Variants in TRIM28 observed in about 807,000 individuals in gnomAD.
The protein encoded by TRIM28 is tripartite motif containing 28.
A neutral mutation model predicts 87.4 loss-of-function variants in TRIM28; 8 were observed. That is an observed-to-expected ratio of 0.09 (90% CI 0.05 to 0.17). The LOEUF is 0.17. TRIM28 is among the 10% of genes least tolerant of loss of function. The pLI, the probability that TRIM28 is intolerant of heterozygous loss-of-function variation, is 1.00. For synonymous variants in TRIM28, 601 were observed against 454.3 expected, an observed-to-expected ratio of 1.32 and a Z score of -4.11; for missense variants, 968 against 1,131.8, an observed-to-expected ratio of 0.86 and a Z score of 2.08.
Position 58,545,556 on chromosome 19 carries a change from A to G in TRIM28, c.453+19A>G, listed in dbSNP as rs753272945. 41 of 1,593,358 alleles carry G rather than the reference A, an allele frequency of 2.6e-5. No individual in the cohort carries two copies. The highest frequency in any genetic ancestry group is 2.2e-5 in the South Asian group (2 of 90,560). On this transcript the variant is annotated intron_variant, in intron 2 of 16. Transcript: ENST00000253024. Reference sequence around the variant, plus strand: ...GAACCAGGTGCGTCCTATCTCAGCAACCACAAGGAGGTTTCTGGGGAGGGG... The same window carrying G: ...GAACCAGGTGCGTCCTATCTCAGCAGCCACAAGGAGGTTTCTGGGGAGGGG...
Position 58,549,973 on chromosome 19 carries a change from C to T in TRIM28, c.2131C>T (p.Leu711=). 1 of 1,614,016 alleles carries T rather than the reference C, an allele frequency of 6.2e-7. No individual in the cohort carries two copies. Among genetic ancestry groups the T allele is most frequent in the Non-Finnish European group, 8.5e-7 (1 of 1,179,980 alleles). ...QRKCERVLLA[L]FCHEPCRPLH... is the part of the protein sequence containing the mutation. ...GAAATGTGAGCGTGTACTGCTGGCC[C>T]TATTCTGTCACGAACCCTGCCGCCC... The change falls in exon 15 of 17, where the codon CTA becomes TTA. Residue 711 remains leucine (L), a synonymous_variant. Coordinates refer to ENST00000253024, the MANE Select transcript of TRIM28 (RefSeq NM_005762.3). The surrounding 1 kb of genome is among the most constrained non-coding windows in gnomAD (Gnocchi z 4.4).
chr19:58,545,321 T>G (rs1600079568), intron 1 of TRIM28, 104 bp from the exon 2 acceptor site: 1 of 1,024,010 alleles, frequency 9.8e-7, no homozygotes. Flanking sequence ...GAGGGGCTGG[T>G]TCGCTGCGGG....
chr19:58,546,044 G>A, intron 3 of TRIM28, 148 bp downstream of exon 3: 1 of 998,360 alleles, frequency 1.0e-6, no homozygotes, highest in Non-Finnish European at 1.4e-6. Flanking sequence ...TCCAGAAGCA[G>A]AAAAACTGGG....
intron 3 of TRIM28, among the ~76,000 whole-genome samples, chr19:58,546,508 C>T (rs924510352): frequency 6.6e-6 from 1 of 152,140 alleles, no homozygotes; most frequent in Non-Finnish European, 1.5e-5. Context: ...TGTGATTCTT[C>T]CCATCCCAGA....
At position 58,544,890 on chromosome 19, in the gene TRIM28, T is replaced by A; in HGVS notation, c.133T>A (p.Ser45Thr). The A allele has an allele frequency of 2.2e-6, 3 of 1,370,982 alleles. No individual in the cohort carries two copies. Among genetic ancestry groups the A allele is most frequent in the Non-Finnish European group, 1.9e-6 (2 of 1,070,240 alleles). 84.9% of individuals were successfully genotyped at this position (1,370,982 alleles called of 1,614,324 possible). ...TTCGGCCGCAGCCTCGGCCTCTGCCTCAGCCGCGGCGTCGTCGCCCGCGGG... is the reference window on the plus strand; with the variant it reads ...TTCGGCCGCAGCCTCGGCCTCTGCCACAGCCGCGGCGTCGTCGCCCGCGGG... ...APSAAASASA[S>T]AAASSPAGGG... The change falls in exon 1 of 17, where the codon TCA (serine) becomes ACA (threonine). Residue 45 changes from serine to threonine, a missense_variant. By Grantham distance (58) the Ser-to-Thr change is moderately conservative. This residue lies in a region of TRIM28 where 208 missense variants were observed against 170.9 expected (regional missense o/e 1.22). Coordinates refer to ENST00000253024, the MANE Select transcript of TRIM28 (RefSeq NM_005762.3).
chr19:58,546,833 A>G (rs982537967), intron 3 of TRIM28, among the ~76,000 whole-genome samples: 10 of 152,056 alleles, frequency 6.6e-5, no homozygotes, highest in Admixed American at 5.9e-4. Flanking sequence ...AGGGGGTGTG[A>G]CCACCATTCT....
At position 58,544,732 on chromosome 19, in the gene TRIM28, C is replaced by G. The variant is rs951274854; in HGVS notation, c.-26C>G. 2.0e-5 allele frequency: 21 copies of G among 1,039,692 alleles called. No homozygotes were observed. Among genetic ancestry groups the G allele is most frequent in the Middle Eastern group, 4.4e-4 (1 of 2,294 alleles). 64.4% of individuals were successfully genotyped at this position (1,039,692 alleles called of 1,614,324 possible). A position where few individuals can be genotyped will look rare whatever the true frequency, so the allele number is the denominator to read the frequency against. ...GGCGGGCCCCGCGCCCCTCCTCCCC[C>G]CCTGGGCGCCCCCGGCGGCGTGTGA... On this transcript the variant is annotated 5_prime_UTR_variant, in exon 1 of 17. Transcript: ENST00000253024.
Position 58,550,428 on chromosome 19 carries a change from C to T in TRIM28, c.2383C>T (p.Arg795Cys), listed in dbSNP as rs138661227. The change falls in exon 17 of 17, where the codon CGC becomes TGC. Residue 795 changes from arginine (R) to cysteine (C), a missense_variant. Coordinates refer to ENST00000253024, the MANE Select transcript of TRIM28 (RefSeq NM_005762.3). ...IIGLQRFFETRMNEAFGDTKF... is the reference protein window; with the variant it reads ...IIGLQRFFETCMNEAFGDTKF... ...CGGCCTGCAGCGCTTCTTCGAGACG[C>T]GCATGAACGAGGCCTTCGGTGACAC... is the stretch of plus-strand genomic sequence containing the variant. 299 of 1,613,872 alleles carry T rather than the reference C, an allele frequency of 1.9e-4. No individual in the cohort carries two copies. The highest frequency in any genetic ancestry group is 3.2e-4 in the South Asian group (29 of 91,086).
Position 58,548,731 on chromosome 19 carries a change from T to C in TRIM28, c.1324-9T>C. On this transcript the variant is annotated splice_polypyrimidine_tract_variant and intron_variant, in intron 9 of 16. Coordinates refer to ENST00000253024, the MANE Select transcript of TRIM28 (RefSeq NM_005762.3). The stretch of plus-strand genomic sequence containing the variant: ...CCCACTGAGGCAGAGGGTTCTGCTT[T>C]GTTCACAGCCCATGGAGGTGCAGGA... The C allele has an allele frequency of 1.2e-6, 2 of 1,613,654 alleles. No individual in the cohort carries two copies. Among genetic ancestry groups the C allele is most frequent in the South Asian group, 1.1e-5 (1 of 91,058 alleles).
Position 58,549,776 on chromosome 19 carries a change from C to G in TRIM28, c.2022C>G (p.Asp674Glu). The G allele has an allele frequency of 6.2e-7, 1 of 1,612,266 alleles. No individual in the cohort carries two copies. Among genetic ancestry groups the G allele is most frequent in the Non-Finnish European group, 8.5e-7 (1 of 1,178,684 alleles). ...GCTCACTCTGCCATGTGCTCCCTGA[C>G]CTGAAGGAGGAGGATGGCAGCCTCA... ...WSCSLCHVLP[D>E]LKEEDGSLSL... Residue 674 changes from aspartate to glutamate, a missense_variant, in exon 14 of 17, where the codon GAC (aspartate) becomes GAG (glutamate). Asp to Glu is a conservative substitution (Grantham distance 45). Coordinates refer to ENST00000253024, the MANE Select transcript of TRIM28 (RefSeq NM_005762.3). This position sits in a 1 kb window ranked among gnomAD's most constrained non-coding sequence, Gnocchi z 4.4.
chr19:58,550,608 C>T lies in TRIM28; in HGVS notation c.*55C>T, dbSNP rs574727580. 1.3e-6 allele frequency: 2 copies of T among 1,547,968 alleles called. No homozygotes were observed. Among genetic ancestry groups the T allele is most frequent in the Non-Finnish European group, 1.7e-6 (2 of 1,145,602 alleles). On this transcript the variant is annotated 3_prime_UTR_variant, in exon 17 of 17. Coordinates refer to ENST00000253024, the MANE Select transcript of TRIM28 (RefSeq NM_005762.3). ...GGCTCTGTTCTCTGTCCTGTCACCC[C>T]ATCCCCACTCCCCTGGTGGCCTGAC...
rs2053786060 is a variant in TRIM28, at chr19:58,548,851, C to T, written c.1361-11C>T. ...CCCCAACCTGCCAGTCTTCTTTCTC[C>T]ATTTTCTAAGGAGATGATCCCTACT... On this transcript the variant is annotated splice_polypyrimidine_tract_variant and intron_variant, in intron 10 of 16. Coordinates refer to ENST00000253024, the MANE Select transcript of TRIM28 (RefSeq NM_005762.3). 3 of 1,614,076 alleles carry T rather than the reference C, an allele frequency of 1.9e-6. No individual in the cohort carries two copies. Among genetic ancestry groups the T allele is most frequent in the African/African-American group, 1.3e-5 (1 of 75,018 alleles).
At chr19:58,548,264 C>A in intron 7 of TRIM28, 30 bp from the exon 8 acceptor site, 1 of 1,613,928 alleles carries the variant, frequency 6.2e-7, no homozygotes, top group South Asian at 1.1e-5. Flanking sequence ...TTGGTGTGCT[C>A]ATTCTTTCCT....
At chr19:58,547,083 TGG>T (rs1426281961) in intron 3 of TRIM28, 4 of 232,648 alleles carry the variant, frequency 1.7e-5, no homozygotes, top group Non-Finnish European at 3.0e-5. Flanking sequence ...GGGTGGGGGG[TGG>T]GGTGGGGTGG....
rs923580970 is a variant in TRIM28, at chr19:58,548,471, C to G, written c.1217-15C>G. On this transcript the variant is annotated splice_polypyrimidine_tract_variant and intron_variant, in intron 8 of 16. Transcript: ENST00000253024. ...ACGTGCTGCACCTACTTACGTTTCT[C>G]TCTTCTTTTTGCAGGCAAGATTGTG... 87 of 1,613,976 alleles carry G rather than the reference C, an allele frequency of 5.4e-5. No homozygotes were observed. The Admixed American group carries it at 1.1e-3, about 20-fold the overall frequency.
chr19:58,548,647 A>T, intron 9 of TRIM28, 55 bp downstream of exon 9: 1 of 1,234,726 alleles, frequency 8.1e-7, no homozygotes, highest in Non-Finnish European at 1.1e-6. Flanking sequence ...GTCCAGTAGC[A>T]GGAGAGAGGA....
intron 1 of TRIM28, 101 bp downstream of exon 1, chr19:58,545,198 C>T (rs2122623039): frequency 8.8e-7 from 1 of 1,142,226 alleles, no homozygotes. Flanking sequence ...AGGATGGGGG[C>T]CCGGACAGGG....
At chr19:58,546,761 G>A (rs1486136348) in intron 3 of TRIM28, among the ~76,000 whole-genome samples, 1 of 152,150 alleles carries the variant, frequency 6.6e-6, no homozygotes, top group Non-Finnish European at 1.5e-5. Flanking sequence ...GACAGGCTTT[G>A]GAGGTTATTA....
Position 58,547,362 on chromosome 19 carries a change from T to G in TRIM28, c.587-14T>G. 1.2e-6 allele frequency: 2 copies of G among 1,611,428 alleles called. No individual in the cohort carries two copies. The highest frequency in any genetic ancestry group is 1.7e-6 in the Non-Finnish European group (2 of 1,177,906). ...TGAAGGGCAAGGTCCAGCCTTATGA[T>G]TCCCACTCCCCAGGGCCAGCCAAGT... On this transcript the variant is annotated splice_polypyrimidine_tract_variant and intron_variant, in intron 3 of 16. Coordinates refer to ENST00000253024, the MANE Select transcript of TRIM28 (RefSeq NM_005762.3).
Sources: allele counts gnomAD v4.1 joint callset (sites outside exome capture counted in the v4.1 genomes callset), GRCh38; gene constraint gnomAD v4.1.1; regional missense constraint gnomAD v4.1.1; non-coding constraint Gnocchi (gnomAD v3.1); transcripts MANE v1.5; gene names NCBI Gene and HGNC (gene_info 2026-07-23, HGNC 2026-07-21).